SYN3: variants seen among roughly 807,000 people sequenced by gnomAD.
SYN3 encodes synapsin III, also known as synapsin-3.
A neutral mutation model predicts 65.8 loss-of-function variants in SYN3; 35 were observed. The observed-to-expected ratio is 0.53, with a 90% CI of 0.41 to 0.70. The LOEUF (loss-of-function observed/expected upper bound fraction) is 0.70. SYN3 is among the 30% of genes least tolerant of loss of function. The pLI is 0.00. For synonymous variants in SYN3, 270 were observed against 292.9 expected (o/e 0.92, Z 0.80); for missense variants, 680 against 749.0 (o/e 0.91, Z 1.08).
chr22:32,794,849 G>A (rs78190748), intron 6 of SYN3, among the ~76,000 whole-genome samples: 1 of 152,182 alleles, frequency 6.6e-6, no homozygotes, highest in Non-Finnish European at 1.5e-5. Context: ...GTGATTCCTG[G>A]CAGATGAGGT....
intron 6 of SYN3, among the ~76,000 whole-genome samples, chr22:32,624,141 T>C (rs2059633052): frequency 6.6e-6 from 1 of 152,198 alleles, no homozygotes. Flanking sequence ...TTCTGAAACA[T>C]GGGGACAGTG....
chr22:32,909,960 G>A (rs1009114126), intron 4 of SYN3, among the ~76,000 whole-genome samples: 3 of 152,186 alleles, frequency 2.0e-5, no homozygotes, highest in Non-Finnish European at 2.9e-5. Context: ...GCGAGAAGGC[G>A]CGTTGGAATG....
At chr22:32,728,282 C>G (rs1047268301) in intron 6 of SYN3, among the ~76,000 whole-genome samples, 3 of 152,230 alleles carry the variant, frequency 2.0e-5, no homozygotes, top group African/African-American at 7.2e-5. Flanking sequence ...GCAAAGGAAA[C>G]TATCATCAGG....
intron 1 of SYN3, among the ~76,000 whole-genome samples, chr22:33,016,805 C>A (rs565415292): frequency 6.6e-6 from 1 of 152,234 alleles, no homozygotes; most frequent in East Asian, 1.9e-4. Context: ...TGGATATTAG[C>A]CCCTTATCAG....
chr22:32,877,028 C>T (rs1024834493), intron 4 of SYN3, among the ~76,000 whole-genome samples: 1 of 152,220 alleles, frequency 6.6e-6, no homozygotes, highest in Non-Finnish European at 1.5e-5. Flanking sequence ...GCCTTGCAGC[C>T]ATAACTAGTC....
Position 32,513,803 on chromosome 22 carries a change from G to A in SYN3, c.1632C>T (p.Asn544=), listed in dbSNP as rs2057724895. The A allele has an allele frequency of 6.2e-7, 1 of 1,614,210 alleles. No homozygotes were observed. Among genetic ancestry groups the A allele is most frequent in the Non-Finnish European group, 8.5e-7 (1 of 1,180,048 alleles). The change falls in exon 14 of 14, where the codon AAC becomes AAT. Residue 544 remains asparagine (N), a synonymous_variant. Transcript: ENST00000358763. ...GGGAGGTGTCGGATGTGCTGAGGCT[G>A]TTAGTCAGGGACTGAGATTTGCTGA... is the stretch of plus-strand genomic sequence containing the variant. ...PHLNKSQSLT[N]SLSTSDTSQR... is the part of the protein sequence containing the mutation.
intron 7 of SYN3, among the ~76,000 whole-genome samples, chr22:32,545,081 C>T (rs1169420925): frequency 6.6e-6 from 1 of 152,132 alleles, no homozygotes; most frequent in African/African-American, 2.4e-5. Flanking sequence ...CAGGCTGTGC[C>T]GTTAAAGGGC....
At position 32,716,113 on chromosome 22, in the gene SYN3, A is replaced by G. The variant is rs181983626; in HGVS notation, c.712-119377T>C. ...ACACAAAGATGTGGATGGGACAATG[A>G]GGCTGTGTTTGGTGATCCTGCCCCA... On this transcript the variant is annotated intron_variant, in intron 6 of 13. Transcript: ENST00000358763. Among the ~76,000 whole-genome samples the G allele has an allele frequency of 3.7e-3, 558 of 152,286 alleles. 4 individuals are homozygous for G. The highest frequency in any genetic ancestry group is 0.013 in the African/African-American group (534 of 41,558).
chr22:32,662,385 C>G (rs2060228311), intron 6 of SYN3, among the ~76,000 whole-genome samples: 1 of 152,206 alleles, frequency 6.6e-6, no homozygotes, highest in Non-Finnish European at 1.5e-5. Context: ...CAGCTGCCTT[C>G]TCAGTGCCTT....
At chr22:32,604,830 C>G (rs192227717) in intron 6 of SYN3, among the ~76,000 whole-genome samples, 76 of 151,608 alleles carry the variant, frequency 5.0e-4, no homozygotes, top group Non-Finnish European at 9.1e-4. Context: ...ACGGTGAAAC[C>G]CACTCTCTAC....
At chr22:33,030,396 G>C (rs1212020156) in intron 1 of SYN3, among the ~76,000 whole-genome samples, 1 of 152,184 alleles carries the variant, frequency 6.6e-6, no homozygotes, top group African/African-American at 2.4e-5. Flanking sequence ...GAAACACCTG[G>C]AGGAAGCTAT....
intron 3 of SYN3, among the ~76,000 whole-genome samples, chr22:32,954,915 T>C (rs1232440904): frequency 6.6e-6 from 1 of 151,730 alleles, no homozygotes; most frequent in Non-Finnish European, 1.5e-5. Flanking sequence ...ATCAAAGCTC[T>C]AAGAAATTCA....
chr22:32,573,377 T>C (rs938204246), intron 7 of SYN3, among the ~76,000 whole-genome samples: 5 of 152,056 alleles, frequency 3.3e-5, no homozygotes, highest in Admixed American at 2.6e-4. Context: ...TCCATCTTGG[T>C]TTATTTGGAG....
intron 6 of SYN3, among the ~76,000 whole-genome samples, chr22:32,608,062 T>A (rs918093736): frequency 6.6e-6 from 1 of 152,114 alleles, no homozygotes; most frequent in Non-Finnish European, 1.5e-5. Context: ...ATGACCCTTT[T>A]AAAAAAAGTA....
intron 1 of SYN3, among the ~76,000 whole-genome samples, chr22:33,038,906 G>T (rs910592047): frequency 1.3e-5 from 2 of 152,166 alleles, no homozygotes; most frequent in East Asian, 3.8e-4. Flanking sequence ...GGCTGTTCTG[G>T]GGCTTCTGCA....
chr22:32,926,543 TC>T (rs1307939800), intron 4 of SYN3, among the ~76,000 whole-genome samples: 1 of 152,206 alleles, frequency 6.6e-6, no homozygotes, highest in Admixed American at 6.5e-5. Context: ...GTCTATTTTT[TC>T]CCCCAGACAT....
chr22:32,711,876 G>A (rs1339337740), intron 6 of SYN3, among the ~76,000 whole-genome samples: 1 of 152,194 alleles, frequency 6.6e-6, no homozygotes, highest in Non-Finnish European at 1.5e-5. Context: ...AGGGGCAGGT[G>A]GAGAACGAGG....
chr22:32,748,000 G>T (rs1259205092), intron 6 of SYN3, among the ~76,000 whole-genome samples: 1 of 152,246 alleles, frequency 6.6e-6, no homozygotes. Flanking sequence ...GAGTCCACCA[G>T]CCTGGACATG....
rs59829876 is a variant in SYN3 at position 32,963,242 on chromosome 22, ATTTTTTTTT to A, written c.369+17394_369+17402del. ...AGGCATGTGCCACCATGCCTGGCTA[ATTTTTTTTT>A]TTTTTTTTTTTTTTCAGTAGAGACA... is the stretch of plus-strand genomic sequence containing the variant. On this transcript the variant is annotated intron_variant, in intron 3 of 13. Coordinates refer to ENST00000358763, the MANE Select transcript of SYN3 (RefSeq NM_003490.4). Among the ~76,000 whole-genome samples the A allele has an allele frequency of 6.3e-5, 7 of 111,842 alleles. No homozygotes were observed. In the South Asian group the frequency reaches 1.7e-3, roughly 28 times the overall value. The allele number at this position is 111,842 out of a possible 152,430, so 73.4% of individuals were successfully genotyped here.
Sources: allele counts gnomAD v4.1 joint callset (sites outside exome capture counted in the v4.1 genomes callset), GRCh38; gene constraint gnomAD v4.1.1; transcripts MANE v1.5; gene names NCBI Gene and HGNC (gene_info 2026-07-23, HGNC 2026-07-21).